The following ENTREP2 variants were observed in gnomAD, a reference collection of about 807,000 sequenced individuals.
ENTREP2 encodes protein ENTREP2.
At chr15:29,520,357 CAATT>C in the ENTREP2 span, among the ~76,000 whole-genome samples, 1 of 152,090 alleles carries the variant, frequency 6.6e-6, no homozygotes, top group South Asian at 2.1e-4. Flanking sequence ...CCAATGCAAA[CAATT>C]ATTTATTTAG....
the ENTREP2 span, among the ~76,000 whole-genome samples, chr15:29,383,582 C>G: frequency 6.6e-6 from 1 of 152,158 alleles, no homozygotes; most frequent in South Asian, 2.1e-4. Flanking sequence ...GGCTGCATGT[C>G]CCCTGAGACT....
At chr15:29,138,923 T>C in the ENTREP2 span, among the ~76,000 whole-genome samples, 3 of 151,950 alleles carry the variant, frequency 2.0e-5, no homozygotes, top group Non-Finnish European at 2.9e-5. Flanking sequence ...CCAGAACAGG[T>C]GAGCCAGGGA....
chr15:29,483,020 G>T, the ENTREP2 span, among the ~76,000 whole-genome samples: 2 of 152,274 alleles, frequency 1.3e-5, no homozygotes, highest in East Asian at 3.9e-4. Flanking sequence ...TCAGTGTTTT[G>T]GCTTTTAGCC....
the ENTREP2 span, among the ~76,000 whole-genome samples, chr15:29,455,277 C>T: frequency 6.6e-6 from 1 of 152,146 alleles, no homozygotes; most frequent in African/African-American, 2.4e-5. Context: ...CATGTGAGGC[C>T]ATCAATGCAC....
chr15:29,472,344 T>A, the ENTREP2 span, among the ~76,000 whole-genome samples: 1 of 151,702 alleles, frequency 6.6e-6, no homozygotes, highest in Non-Finnish European at 1.5e-5. Context: ...ACCTTAAAAA[T>A]GGCATCATGA....
the ENTREP2 span, among the ~76,000 whole-genome samples, chr15:29,313,177 G>C: frequency 0.26 from 40,060 of 152,172 alleles, 5,533 homozygotes; most frequent in Non-Finnish European, 0.3. Context: ...GAAGCTAACA[G>C]AGGTTGGTTC....
the ENTREP2 span, among the ~76,000 whole-genome samples, chr15:29,493,108 A>G: frequency 0.067 from 9,866 of 146,870 alleles, 448 homozygotes; most frequent in South Asian, 0.13. Context: ...AGTATTTCCA[A>G]TGCTTCCCTG....
chr15:29,433,315 G>A, the ENTREP2 span, among the ~76,000 whole-genome samples: 1 of 152,208 alleles, frequency 6.6e-6, no homozygotes, highest in Non-Finnish European at 1.5e-5. Context: ...ATGAAGGGCT[G>A]TGTCCTGTTT....
the ENTREP2 span, among the ~76,000 whole-genome samples, chr15:29,331,506 T>C: frequency 1.3e-5 from 2 of 152,190 alleles, no homozygotes; most frequent in East Asian, 1.9e-4. Flanking sequence ...CCTCCAGAAA[T>C]TGACTCTCCT....
chr15:29,568,962 G>A, the ENTREP2 span, among the ~76,000 whole-genome samples: 1 of 152,182 alleles, frequency 6.6e-6, no homozygotes, highest in East Asian at 1.9e-4. Context: ...CAGGAAGGGC[G>A]GGCTCAGGGA....
the ENTREP2 span, among the ~76,000 whole-genome samples, chr15:29,472,744 T>G: frequency 6.6e-6 from 1 of 152,170 alleles, no homozygotes; most frequent in African/African-American, 2.4e-5. Flanking sequence ...AGATTACAGG[T>G]GTGAGCCACT....
chr15:29,657,483 C>CGGGGTGGG, the ENTREP2 span, among the ~76,000 whole-genome samples: 1 of 69,382 alleles, frequency 1.4e-5, no homozygotes, highest in African/African-American at 6.0e-5. Flanking sequence ...GCTGGGGGGG[C>CGGGGTGGG]GGGGGGGGGG....
At chr15:29,159,896 G>C in the ENTREP2 span, among the ~76,000 whole-genome samples, 1 of 152,278 alleles carries the variant, frequency 6.6e-6, no homozygotes, top group African/African-American at 2.4e-5. Context: ...AGGTGGAGCT[G>C]CCTGCCAGTA....
chr15:29,580,735 AG>A, the ENTREP2 span, among the ~76,000 whole-genome samples: 1 of 152,238 alleles, frequency 6.6e-6, no homozygotes, highest in African/African-American at 2.4e-5. Flanking sequence ...AGTCAGCATA[AG>A]GCAAAGAGGT....
chr15:29,160,245 C>T, the ENTREP2 span, among the ~76,000 whole-genome samples: 3 of 152,340 alleles, frequency 2.0e-5, no homozygotes, highest in East Asian at 1.9e-4. Context: ...CCCCGGTTCC[C>T]GCCCACGCGT....
the ENTREP2 span, among the ~76,000 whole-genome samples, chr15:29,339,569 A>G: frequency 6.6e-6 from 1 of 152,236 alleles, no homozygotes; most frequent in East Asian, 1.9e-4. Context: ...CAATCATTAG[A>G]TCTGAACTAA....
At chr15:29,473,811 G>T in the ENTREP2 span, among the ~76,000 whole-genome samples, 31 of 152,078 alleles carry the variant, frequency 2.0e-4, no homozygotes, top group Non-Finnish European at 3.8e-4. Context: ...CCGCAGCCAC[G>T]GCCCCATCTC....
At chr15:29,258,244 A>G in the ENTREP2 span, among the ~76,000 whole-genome samples, 1 of 151,786 alleles carries the variant, frequency 6.6e-6, no homozygotes, top group African/African-American at 2.4e-5. Flanking sequence ...GAAAGAAAGA[A>G]AAAAGAAAGG....
the ENTREP2 span, among the ~76,000 whole-genome samples, chr15:29,645,301 C>T: frequency 6.6e-6 from 1 of 152,128 alleles, no homozygotes; most frequent in African/African-American, 2.4e-5. Context: ...AGATGTAGAT[C>T]CTGCCAACAG....
Sources: gnomAD v4.1 joint callset for allele counts (sites outside exome capture counted in the v4.1 genomes callset) on GRCh38, gnomAD v4.1.1 for gene constraint, MANE v1.5 for transcripts, NCBI Gene and HGNC (gene_info 2026-07-23, HGNC 2026-07-21) for gene names.